The following OTULIN variants were observed in gnomAD, a reference collection of about 807,000 sequenced individuals.
OTULIN encodes the protein OTU deubiquitinase with linear linkage specificity.
OTULIN carries 15 observed loss-of-function variants against 39.6 expected under a neutral mutation model. That is an observed-to-expected ratio of 0.38 (90% CI 0.25 to 0.58). The LOEUF (loss-of-function observed/expected upper bound fraction) is 0.58. Among genes scored for constraint, OTULIN ranks in the 20% least tolerant of loss-of-function variants. The pLI is 0.66. For synonymous variants in OTULIN, 156 were observed against 170.3 expected (o/e 0.92, Z 0.65); for missense variants, 319 against 445.9 (o/e 0.72, Z 2.56).
At chr5:14,701,245 A>G (rs1232868309), downstream of OTULIN, among the ~76,000 whole-genome samples, 1 of 151,936 alleles carries the variant, frequency 6.6e-6, no homozygotes, top group East Asian at 1.9e-4. Flanking sequence ...TCCCACCACA[A>G]CTTCCTCCTT....
At chr5:14,681,378 GCCAAGCTTTTT>G in intron 3 of OTULIN, 75 bp from the exon 4 acceptor site, 1 of 1,494,730 alleles carries the variant, frequency 6.7e-7, no homozygotes, top group Non-Finnish European at 9.0e-7. Context: ...GTGATCCCAG[GCCAAGCTTTTT>G]CCACAGGAAT....
At chr5:14,705,120 A>T in the OTULIN span, 1 of 152,160 alleles carries the variant, frequency 6.6e-6, no homozygotes, top group Non-Finnish European at 1.5e-5. Flanking sequence ...TCAGCCTCCC[A>T]AGTAGCTGGG....
intron 5 of OTULIN, 68 bp from the exon 6 acceptor site, chr5:14,689,971 T>C: frequency 6.7e-7 from 1 of 1,491,282 alleles, no homozygotes; most frequent in African/African-American, 1.4e-5. Flanking sequence ...TTTGTGCTCA[T>C]AGTATGGTAC....
intron 5 of OTULIN, 190 bp downstream of exon 5, chr5:14,687,836 A>G: frequency 1.8e-6 from 1 of 559,050 alleles, no homozygotes; most frequent in South Asian, 2.9e-5. Context: ...CCAACATTAT[A>G]TATTCTTAGA....
the OTULIN span, chr5:14,711,044 T>TA: frequency 5.0e-5 from 37 of 736,036 alleles, no homozygotes. Flanking sequence ...CCCAGTATGC[T>TA]AGAGAATTGA....
At chr5:14,711,987 T>C in the OTULIN span, among the ~76,000 whole-genome samples, 3 of 152,230 alleles carry the variant, frequency 2.0e-5, no homozygotes, top group Non-Finnish European at 4.4e-5. Flanking sequence ...CACCAACCCT[T>C]CATTGTGGCC....
the OTULIN span, chr5:14,708,422 T>TGTCA: frequency 3.3e-5 from 5 of 152,236 alleles, no homozygotes; most frequent in African/African-American, 1.2e-4. Context: ...AAAATGCAGC[T>TGTCA]GTCAGCTGAA....
intron 4 of OTULIN, among the ~76,000 whole-genome samples, chr5:14,683,485 C>T (rs1419015812): frequency 2.6e-5 from 4 of 152,218 alleles, no homozygotes; most frequent in Non-Finnish European, 5.9e-5. Flanking sequence ...TAAGACCCAA[C>T]TAGAGAAGCA....
the OTULIN span, among the ~76,000 whole-genome samples, chr5:14,711,867 C>T: frequency 6.6e-6 from 1 of 151,864 alleles, no homozygotes; most frequent in Non-Finnish European, 1.5e-5. Context: ...AGCCCCACCT[C>T]AGCCACTGCT....
chr5:14,711,102 A>C, the OTULIN span: 1 of 1,169,816 alleles, frequency 8.5e-7, no homozygotes. Flanking sequence ...AACAAAACAA[A>C]AAAAAGGGAA....
chr5:14,710,912 CCGTGAGGCAGCTGTGTCTTTTGGGTTTT>C, the OTULIN span: 13 of 417,180 alleles, frequency 3.1e-5, no homozygotes, highest in African/African-American at 2.0e-4. Flanking sequence ...ACAACGTCAA[CCGTGAGGCAGCTGTGTCTTTTGGGTTTT>C]CGTGAGGCAG....
intron 2 of OTULIN, among the ~76,000 whole-genome samples, chr5:14,676,603 G>A (rs1736111226): frequency 6.6e-6 from 1 of 152,224 alleles, no homozygotes; most frequent in Non-Finnish European, 1.5e-5. Flanking sequence ...CAGTCATGGG[G>A]TGCTGGGCTT....
At chr5:14,699,879 T>G (rs781136289), downstream of OTULIN, among the ~76,000 whole-genome samples, 3 of 152,236 alleles carry the variant, frequency 2.0e-5, no homozygotes, top group Non-Finnish European at 4.4e-5. Flanking sequence ...GTTCATGTTC[T>G]TTGCCTCTGA....
rs925554718 is a variant in OTULIN, at chr5:14,698,323, T to C, written c.*5275T>C. Reference sequence around the variant, plus strand: ...ATCTTGGCTTGTTTAGCAGTGCCTCTGTTTACACCATAAGATGTTCCGCAT... The same window carrying C: ...ATCTTGGCTTGTTTAGCAGTGCCTCCGTTTACACCATAAGATGTTCCGCAT... On this transcript the variant is annotated 3_prime_UTR_variant, in exon 7 of 7. Transcript: ENST00000284274. The C allele has an allele frequency of 5.9e-5, 9 of 152,260 alleles. No individual in the cohort carries two copies. The highest frequency in any genetic ancestry group is 1.0e-4 in the Non-Finnish European group (7 of 68,050). The allele number at this position is 152,260 out of a possible 1,614,324, so 9.4% of individuals were successfully genotyped here. A position where few individuals can be genotyped will look rare whatever the true frequency, so the allele number is the denominator to read the frequency against.
rs189038217 is a variant in OTULIN at position 14,678,575 on chromosome 5, C to T, written c.230-106C>T. The T allele has an allele frequency of 5.2e-4, 405 of 784,158 alleles. 9 individuals are homozygous for T. The Admixed American group carries it at 6.6e-3, about 13-fold the overall frequency. 48.6% of individuals were successfully genotyped at this position (784,158 alleles called of 1,614,324 possible). ...AGTGGTTGAATTCTGGATTTTTTGACGTGAAGAAAGAAAATGAAGAGTGAA... is the reference window on the plus strand; with the variant it reads ...AGTGGTTGAATTCTGGATTTTTTGATGTGAAGAAAGAAAATGAAGAGTGAA... On this transcript the variant is annotated intron_variant, in intron 2 of 6. Coordinates refer to ENST00000284274, the MANE Select transcript of OTULIN (RefSeq NM_138348.6).
chr5:14,677,504 C>T (rs969938387), intron 2 of OTULIN, among the ~76,000 whole-genome samples: 5 of 152,190 alleles, frequency 3.3e-5, no homozygotes, highest in Admixed American at 6.5e-5. Flanking sequence ...GAAAATTTAC[C>T]TCCTTTTCTT....
At position 14,693,509 on chromosome 5, in the gene OTULIN, T is replaced by C. The variant is rs939058336; in HGVS notation, c.*461T>C. 2 of 153,670 alleles carry C rather than the reference T, an allele frequency of 1.3e-5. No individual in the cohort carries two copies. Among genetic ancestry groups the C allele is most frequent in the African/African-American group, 2.4e-5 (1 of 41,460 alleles). 9.5% of individuals were successfully genotyped at this position (153,670 alleles called of 1,614,324 possible). A position where few individuals can be genotyped will look rare whatever the true frequency, so the allele number is the denominator to read the frequency against. ...GCTTTAACTCAGGACCTTGAGATTA[T>C]GAGACTGACGTGCTGCCCACTGCAC... On this transcript the variant is annotated 3_prime_UTR_variant, in exon 7 of 7. Coordinates refer to ENST00000284274, the MANE Select transcript of OTULIN (RefSeq NM_138348.6).
At chr5:14,701,797 G>A (rs1459544224), downstream of OTULIN, among the ~76,000 whole-genome samples, 5 of 152,070 alleles carry the variant, frequency 3.3e-5, no homozygotes, top group South Asian at 2.1e-4. Flanking sequence ...TAGCTCAGGC[G>A]TAAGCTGGTG....
At chr5:14,682,357 A>G (rs921462117) in intron 4 of OTULIN, among the ~76,000 whole-genome samples, 9 of 152,180 alleles carry the variant, frequency 5.9e-5, no homozygotes, top group Admixed American at 1.3e-4. Context: ...CAGCCACCCA[A>G]TCTTCAACAG....
Sources: gnomAD v4.1 joint callset for allele counts (sites outside exome capture counted in the v4.1 genomes callset) on GRCh38, gnomAD v4.1.1 for gene constraint, MANE v1.5 for transcripts, NCBI Gene and HGNC (gene_info 2026-07-23, HGNC 2026-07-21) for gene names.